CCDC178: variants seen among roughly 807,000 people sequenced by gnomAD.
CCDC178 encodes coiled-coil domain containing 178.
In CCDC178, 126 loss-of-function variants were observed where a neutral mutation model predicts 117.4. The ratio of observed to expected loss-of-function variants is 1.07; its 90% confidence interval spans 0.93 to 1.24. The LOEUF (loss-of-function observed/expected upper bound fraction) is 1.24, where lower values mean the gene tolerates loss of function less well. CCDC178 is among the 50% of genes most tolerant of loss of function. The pLI is 0.00. For missense variants in CCDC178, 1,030 were observed against 986.9 expected (o/e 1.04, Z -0.59); for synonymous variants, 283 against 313.4 (o/e 0.90, Z 1.02).
chr18:32,993,486 C>T (rs1432627897), intron 21 of CCDC178, among the ~76,000 whole-genome samples: 1 of 152,152 alleles, frequency 6.6e-6, no homozygotes, highest in Non-Finnish European at 1.5e-5. Context: ...AGTGCAGTAC[C>T]TCTGCTGCTC....
intron 21 of CCDC178, among the ~76,000 whole-genome samples, chr18:33,077,083 C>T (rs2057221829): frequency 6.6e-6 from 1 of 152,134 alleles, no homozygotes; most frequent in African/African-American, 2.4e-5. Context: ...CTAAGCATTG[C>T]TTAATCATAT....
At chr18:32,964,339 T>C (rs1017745482) in intron 22 of CCDC178, among the ~76,000 whole-genome samples, 1 of 152,008 alleles carries the variant, frequency 6.6e-6, no homozygotes, top group Non-Finnish European at 1.5e-5. Flanking sequence ...AATCATTAAA[T>C]TGAAGTTGTC....
intron 21 of CCDC178, among the ~76,000 whole-genome samples, chr18:32,979,954 T>G (rs1414611947): frequency 6.6e-6 from 1 of 152,058 alleles, no homozygotes; most frequent in African/African-American, 2.4e-5. Flanking sequence ...TACAAATCAG[T>G]GCGGAAAGGA....
At chr18:33,084,767 C>T (rs947112401) in intron 21 of CCDC178, among the ~76,000 whole-genome samples, 1 of 150,938 alleles carries the variant, frequency 6.6e-6, no homozygotes, top group African/African-American at 2.4e-5. Context: ...GCCGAGATTG[C>T]GCCACTGCAC....
At position 33,154,979 on chromosome 18, in the gene CCDC178, T is replaced by C. The variant is rs1021407773; in HGVS notation, c.2238+56917A>G. Reference sequence around the variant, plus strand: ...AGTAATTGATAGAATACCAAAAAAATCATGAAGTTTATAGAAGTTGTAGAA... The same window carrying C: ...AGTAATTGATAGAATACCAAAAAAACCATGAAGTTTATAGAAGTTGTAGAA... On this transcript the variant is annotated intron_variant, in intron 20 of 22. Coordinates refer to ENST00000383096, the MANE Select transcript of CCDC178 (RefSeq NM_001105528.4). Among the ~76,000 whole-genome samples, 11 of 152,232 alleles carry C rather than the reference T, an allele frequency of 7.2e-5. 1 individual carries two copies. The highest frequency in any genetic ancestry group is 1.6e-4 in the Non-Finnish European group (11 of 67,960).
chr18:33,312,292 TC>T (rs2062353909), intron 11 of CCDC178, among the ~76,000 whole-genome samples: 1 of 151,938 alleles, frequency 6.6e-6, no homozygotes, highest in Non-Finnish European at 1.5e-5. Flanking sequence ...AATATCAGGA[TC>T]CCCAGACAGG....
chr18:33,274,003 T>C (rs943956680), intron 12 of CCDC178, among the ~76,000 whole-genome samples: 3 of 151,718 alleles, frequency 2.0e-5, no homozygotes, highest in African/African-American at 7.2e-5. Context: ...CTGATGAGTG[T>C]CTAATATCTG....
intron 15 of CCDC178, among the ~76,000 whole-genome samples, chr18:33,243,569 C>A (rs1599043837): frequency 1.3e-5 from 2 of 151,296 alleles, no homozygotes; most frequent in East Asian, 3.9e-4. Flanking sequence ...AGAAAAGGGG[C>A]ACTCTATTAT....
chr18:33,156,425 G>A (rs1227650686), intron 20 of CCDC178, among the ~76,000 whole-genome samples: 1 of 150,130 alleles, frequency 6.7e-6, no homozygotes, highest in African/African-American at 2.4e-5. Context: ...AATATATGTG[G>A]AAATATCACC....
intron 21 of CCDC178, among the ~76,000 whole-genome samples, chr18:32,995,268 G>A (rs2055478641): frequency 6.6e-6 from 1 of 152,110 alleles, no homozygotes; most frequent in East Asian, 1.9e-4. Flanking sequence ...ATCTCTTAAT[G>A]GCTTTCTTCT....
chr18:33,302,920 T>A (rs2062196584), intron 11 of CCDC178, among the ~76,000 whole-genome samples: 1 of 152,138 alleles, frequency 6.6e-6, no homozygotes, highest in South Asian at 2.1e-4. Context: ...TACAGCTAGA[T>A]AGAAGGAATA....
At chr18:33,280,835 C>T (rs994467316) in intron 12 of CCDC178, among the ~76,000 whole-genome samples, 10 of 152,090 alleles carry the variant, frequency 6.6e-5, no homozygotes, top group Non-Finnish European at 1.0e-4. Context: ...TCATCATTCT[C>T]AGTAAACTAT....
At chr18:33,051,106 C>T (rs2056740363) in intron 21 of CCDC178, among the ~76,000 whole-genome samples, 2 of 151,946 alleles carry the variant, frequency 1.3e-5, no homozygotes, top group Non-Finnish European at 2.9e-5. Flanking sequence ...ACAGACGGGG[C>T]TTTGCCATGT....
chr18:33,264,627 T>C (rs1406883183), intron 14 of CCDC178, among the ~76,000 whole-genome samples: 1 of 152,082 alleles, frequency 6.6e-6, no homozygotes, highest in Non-Finnish European at 1.5e-5. Context: ...TAAATAGAGC[T>C]GCATTCCCAC....
At chr18:33,350,882 G>T (rs999814339) in intron 7 of CCDC178, among the ~76,000 whole-genome samples, 2 of 151,932 alleles carry the variant, frequency 1.3e-5, no homozygotes, top group Admixed American at 1.3e-4. Flanking sequence ...TTATATTCAC[G>T]CCAGCAATAT....
At chr18:33,344,820 C>G (rs2062866632) in intron 9 of CCDC178, among the ~76,000 whole-genome samples, 1 of 147,592 alleles carries the variant, frequency 6.8e-6, no homozygotes, top group Non-Finnish European at 1.5e-5. Context: ...CACACACACA[C>G]ACACACACAC....
intron 9 of CCDC178, 72 bp from the exon 10 acceptor site, chr18:33,333,466 C>A (rs1599176037): frequency 3.7e-4 from 155 of 420,572 alleles, no homozygotes; most frequent in Middle Eastern, 7.9e-4. Context: ...AAATATAAAA[C>A]ATTTTAATTT....
chr18:33,212,687 G>A (rs556779957), intron 19 of CCDC178, among the ~76,000 whole-genome samples: 115 of 151,896 alleles, frequency 7.6e-4, no homozygotes, highest in Non-Finnish European at 1.5e-3. Context: ...TTTTTTTATT[G>A]TTTAAGCTGG....
chr18:33,031,406 C>T (rs1230715141), intron 21 of CCDC178, among the ~76,000 whole-genome samples: 1 of 152,022 alleles, frequency 6.6e-6, no homozygotes, highest in East Asian at 1.9e-4. Flanking sequence ...ACCCTCCACG[C>T]AGCTGCTAGA....
Sources: allele counts gnomAD v4.1 joint callset (sites outside exome capture counted in the v4.1 genomes callset), GRCh38; gene constraint gnomAD v4.1.1; transcripts MANE v1.5; gene names NCBI Gene and HGNC (gene_info 2026-07-23, HGNC 2026-07-21).